Variants in RAB3GAP2 observed in about 807,000 individuals in gnomAD.
RAB3GAP2 encodes the protein RAB3 GTPase activating non-catalytic protein subunit 2.
RAB3GAP2 carries 87 observed loss-of-function variants against 185.3 expected under a neutral mutation model. The ratio of observed to expected loss-of-function variants is 0.47; its 90% CI spans 0.39 to 0.56. The LOEUF (loss-of-function observed/expected upper bound fraction) is 0.56. RAB3GAP2 is among the 20% of genes least tolerant of loss of function. The probability of loss-of-function intolerance (pLI) is 0.00; values close to 1 mark genes in which losing one functional copy is unlikely to be tolerated. For missense variants in RAB3GAP2, 1,492 were observed against 1,638.2 expected (o/e 0.91, Z 1.54); for synonymous variants, 554 against 576.1 (o/e 0.96, Z 0.55).
In RAB3GAP2 at chr1:220,167,571, G is replaced by A. The variant is rs1273178520; in HGVS notation, c.2911C>T (p.Pro971Ser). 1 of 1,614,026 alleles carries A rather than the reference G, an allele frequency of 6.2e-7. No individual in the cohort carries two copies. The highest frequency in any genetic ancestry group is 2.2e-5 in the East Asian group (1 of 44,874). The stretch of plus-strand genomic sequence containing the variant: ...AAACTTCTGTTAACACCTTCTTTGG[G>A]TTCATCTGGGTTTTCTGCATCTCTT... ...EERDAENPDE[P>S]KEGVNRSFLE... The change falls in exon 25 of 35, where the codon CCC (proline) becomes TCC (serine). Residue 971 changes from proline (P) to serine (S), a missense_variant. This residue lies in a region of RAB3GAP2 where 681 missense variants were observed against 689.1 expected (regional missense o/e 0.99). Transcript: ENST00000358951.
chr1:220,205,781 G>T, intron 8 of RAB3GAP2, 126 bp downstream of exon 8: 1 of 718,964 alleles, frequency 1.4e-6, no homozygotes, highest in Non-Finnish European at 2.4e-6. Context: ...ACAGAAGGCA[G>T]GTTTTTCCCA....
intron 17 of RAB3GAP2, among the ~76,000 whole-genome samples, chr1:220,186,530 A>G (rs1435904550): frequency 6.6e-6 from 1 of 152,144 alleles, no homozygotes; most frequent in African/African-American, 2.4e-5. Context: ...CAATAAAGAA[A>G]GTGACTGTAA....
At chr1:220,233,902 T>C (rs1659546344) in intron 1 of RAB3GAP2, among the ~76,000 whole-genome samples, 2 of 152,024 alleles carry the variant, frequency 1.3e-5, no homozygotes, top group Admixed American at 1.3e-4. Flanking sequence ...GGTTTCACCA[T>C]ATTGGCCAGG....
chr1:220,228,773 G>GTTGTGAA (rs2102889771), intron 2 of RAB3GAP2, among the ~76,000 whole-genome samples: 1 of 152,304 alleles, frequency 6.6e-6, no homozygotes, highest in East Asian at 1.9e-4. Context: ...ACCCAAAATG[G>GTTGTGAA]TTGTGAATGA....
At chr1:220,250,630 G>T (rs544001800) in intron 1 of RAB3GAP2, among the ~76,000 whole-genome samples, 1 of 152,156 alleles carries the variant, frequency 6.6e-6, no homozygotes, top group African/African-American at 2.4e-5. Context: ...TGTCCCCACC[G>T]AAATCTCATC....
chr1:220,220,806 G>A (rs377290282), intron 2 of RAB3GAP2, among the ~76,000 whole-genome samples: 16 of 152,256 alleles, frequency 1.1e-4, no homozygotes, highest in South Asian at 1.0e-3. Flanking sequence ...CTTGTCTGTC[G>A]CCATGTGAGA....
intron 1 of RAB3GAP2, among the ~76,000 whole-genome samples, chr1:220,259,671 C>G (rs1320280745): frequency 6.6e-6 from 1 of 152,108 alleles, no homozygotes; most frequent in African/African-American, 2.4e-5. Flanking sequence ...CCATTCAGGA[C>G]ATAGGCATGG....
At position 220,164,718 on chromosome 1, in the gene RAB3GAP2, C is replaced by G. The variant is rs769600964; in HGVS notation, c.3154+15G>C. ...TTAGATCAAACAGTGATGTTTCTAA[C>G]ATCTGTTTACTTACCATTTTGAACA... On this transcript the variant is annotated intron_variant, in intron 27 of 34. Coordinates refer to ENST00000358951, the MANE Select transcript of RAB3GAP2 (RefSeq NM_012414.4). 9 of 1,597,844 alleles carry G rather than the reference C, an allele frequency of 5.6e-6. No individual in the cohort carries two copies. The highest frequency in any genetic ancestry group is 7.7e-6 in the Non-Finnish European group (9 of 1,169,806).
intron 21 of RAB3GAP2, among the ~76,000 whole-genome samples, chr1:220,178,492 G>C (rs751868360): frequency 4.6e-5 from 7 of 152,124 alleles, no homozygotes; most frequent in Non-Finnish European, 7.4e-5. Flanking sequence ...TGCTAAAATG[G>C]GGGGAGAAGA....
chr1:220,214,859 T>G (rs1659155425), intron 2 of RAB3GAP2, among the ~76,000 whole-genome samples: 1 of 150,026 alleles, frequency 6.7e-6, no homozygotes, highest in Non-Finnish European at 1.5e-5. Flanking sequence ...CTAGAGACAA[T>G]GCAATCAGTT....
intron 27 of RAB3GAP2, among the ~76,000 whole-genome samples, chr1:220,164,468 G>GTTTTTT (rs1339856200): frequency 6.0e-5 from 7 of 117,044 alleles, no homozygotes; most frequent in Admixed American, 1.7e-4. Context: ...TTTGTTTTTT[G>GTTTTTT]TTTTGTTTTT....
At position 220,169,178 on chromosome 1, in the gene RAB3GAP2, T is replaced by A. The variant is rs182396780; in HGVS notation, c.2807-1503A>T. ...AATAAGAAAAAGTTCACAAGTTTTATAAAGAATGAGAAAAGAAGTAAACTA... is the reference window on the plus strand; with the variant it reads ...AATAAGAAAAAGTTCACAAGTTTTAAAAAGAATGAGAAAAGAAGTAAACTA... On this transcript the variant is annotated intron_variant, in intron 24 of 34. Transcript: ENST00000358951. Among the ~76,000 whole-genome samples the A allele has an allele frequency of 2.4e-3, 368 of 152,318 alleles. 2 individuals carry two copies. The highest frequency in any genetic ancestry group is 7.9e-3 in the African/African-American group (327 of 41,568).
At chr1:220,160,114 T>C (rs998301223) in intron 28 of RAB3GAP2, among the ~76,000 whole-genome samples, 3 of 152,006 alleles carry the variant, frequency 2.0e-5, no homozygotes, top group Middle Eastern at 3.2e-3. Context: ...AAAGGCACAA[T>C]TGTTTGAAAT....
chr1:220,240,180 G>A (rs1031502973), intron 1 of RAB3GAP2, among the ~76,000 whole-genome samples: 1 of 152,086 alleles, frequency 6.6e-6, no homozygotes, highest in Non-Finnish European at 1.5e-5. Context: ...TTCATGCTAC[G>A]ATTCACATCC....
chr1:220,238,508 G>T (rs536546614), intron 1 of RAB3GAP2, among the ~76,000 whole-genome samples: 3 of 152,260 alleles, frequency 2.0e-5, no homozygotes, highest in Admixed American at 2.0e-4. Context: ...CAGCAAAAAT[G>T]GAGTTAAAAA....
intron 26 of RAB3GAP2, among the ~76,000 whole-genome samples, chr1:220,166,012 T>C (rs2102856362): frequency 6.6e-6 from 1 of 152,372 alleles, no homozygotes; most frequent in Non-Finnish European, 1.5e-5. Flanking sequence ...AATTATTATT[T>C]TCTCATTCTA....
chr1:220,176,357 G>A (rs1006421832), intron 21 of RAB3GAP2, among the ~76,000 whole-genome samples: 10 of 152,050 alleles, frequency 6.6e-5, no homozygotes, highest in East Asian at 3.9e-4. Flanking sequence ...CCAAGATGGC[G>A]GAATAGAAGG....
At chr1:220,168,571 G>A (rs1324891081) in intron 24 of RAB3GAP2, among the ~76,000 whole-genome samples, 1 of 151,324 alleles carries the variant, frequency 6.6e-6, no homozygotes, top group South Asian at 2.1e-4. Flanking sequence ...CTAAATTTTT[G>A]TATTTAGTAG....
chr1:220,151,998 C>G (rs1657766156), intron 33 of RAB3GAP2, among the ~76,000 whole-genome samples: 1 of 152,114 alleles, frequency 6.6e-6, no homozygotes, highest in Non-Finnish European at 1.5e-5. Context: ...TTCAATGTGG[C>G]TACTCAGTGT....
Sources: allele counts gnomAD v4.1 joint callset (sites outside exome capture counted in the v4.1 genomes callset), GRCh38; gene constraint gnomAD v4.1.1; regional missense constraint gnomAD v4.1.1; transcripts MANE v1.5; gene names NCBI Gene and HGNC (gene_info 2026-07-23, HGNC 2026-07-21).